Variants in TNRC6B observed in about 807,000 individuals in gnomAD.
TNRC6B encodes trinucleotide repeat-containing gene 6B protein.
Under a neutral mutation model 203.6 loss-of-function variants are expected in TNRC6B, and 52 were observed. That is an observed-to-expected ratio of 0.26 (90% CI 0.20 to 0.32). TNRC6B has a LOEUF of 0.32. Among genes scored for constraint, TNRC6B ranks in the 10% least tolerant of loss-of-function variants. TNRC6B has a pLI of 1.00. For synonymous variants in TNRC6B, 838 were observed against 845.7 expected, an observed-to-expected ratio of 0.99 and a Z score of 0.16; for missense variants, 1,923 against 2,286.2, an observed-to-expected ratio of 0.84 and a Z score of 3.24.
chr22:40,273,661 T>C lies in TNRC6B; in HGVS notation c.3141+61T>C. 2.7e-6 allele frequency: 4 copies of C among 1,460,518 alleles called. No homozygotes were observed. The South Asian group carries it at 5.6e-5, about 20-fold the overall frequency. The allele number at this position is 1,460,518 out of a possible 1,614,324, so 90.5% of individuals were successfully genotyped here. The stretch of plus-strand genomic sequence containing the variant: ...GCTCTGAGAAGGCAGAACTGAGGTT[T>C]TGTTTTGTTTGTTTTTGTTTTGAGA... On this transcript the variant is annotated intron_variant, in intron 7 of 22. Transcript: ENST00000454349.
At chr22:40,180,556 A>AGTT (rs1484307760) in intron 1 of TNRC6B, among the ~76,000 whole-genome samples, 4 of 152,222 alleles carry the variant, frequency 2.6e-5, no homozygotes, top group South Asian at 2.1e-4. Flanking sequence ...GGCTCTGGTG[A>AGTT]GTTGATAGCT....
At chr22:40,317,303 G>A (rs1226247475) in intron 21 of TNRC6B, among the ~76,000 whole-genome samples, 10 of 152,226 alleles carry the variant, frequency 6.6e-5, no homozygotes, top group Admixed American at 6.5e-4. Context: ...CATGGGGCCA[G>A]TCGCAGTGGC....
chr22:40,170,053 G>A (rs2068957207), intron 4 of TNRC6B, among the ~76,000 whole-genome samples: 1 of 151,454 alleles, frequency 6.6e-6, no homozygotes. Context: ...TCTGAGGCAG[G>A]AAGATTGCTT....
intron 1 of TNRC6B, among the ~76,000 whole-genome samples, chr22:40,063,599 G>A (rs562872896): frequency 1.3e-5 from 2 of 152,216 alleles, no homozygotes; most frequent in South Asian, 2.1e-4. Flanking sequence ...ACGTTTTATG[G>A]TTTTCAGCGT....
intron 16 of TNRC6B, among the ~76,000 whole-genome samples, chr22:40,310,400 CA>C (rs1345049922): frequency 6.6e-6 from 1 of 152,190 alleles, no homozygotes; most frequent in African/African-American, 2.4e-5. Context: ...TGGATAGCAT[CA>C]GTAGAAATTT....
At chr22:40,259,701 G>C (rs1028036348) in intron 3 of TNRC6B, among the ~76,000 whole-genome samples, 5 of 152,166 alleles carry the variant, frequency 3.3e-5, no homozygotes, top group African/African-American at 1.2e-4. Context: ...GTCACCCACA[G>C]TATGTTAATG....
At chr22:40,152,487 C>T (rs1418809742) in intron 3 of TNRC6B, among the ~76,000 whole-genome samples, 1 of 152,090 alleles carries the variant, frequency 6.6e-6, no homozygotes, top group Non-Finnish European at 1.5e-5. Flanking sequence ...CCACCACGCC[C>T]GGCTAATTTT....
chr22:40,098,834 C>T (rs992302167), intron 1 of TNRC6B, among the ~76,000 whole-genome samples: 2 of 152,048 alleles, frequency 1.3e-5, no homozygotes, highest in Non-Finnish European at 1.5e-5. Flanking sequence ...CTCAAGTGAT[C>T]CTCCTGCCTC....
intron 2 of TNRC6B, among the ~76,000 whole-genome samples, chr22:40,120,478 T>C (rs1051460317): frequency 6.6e-6 from 1 of 152,142 alleles, no homozygotes; most frequent in Non-Finnish European, 1.5e-5. Flanking sequence ...TGGAAAGATT[T>C]GCCTGCGTGA....
chr22:40,218,509 A>G (rs368716368), intron 1 of TNRC6B, among the ~76,000 whole-genome samples: 1 of 151,218 alleles, frequency 6.6e-6, no homozygotes. Context: ...GTATTTTTTT[A>G]TAGAGACATG....
intron 1 of TNRC6B, among the ~76,000 whole-genome samples, chr22:40,209,067 A>T (rs199755863): frequency 2.6e-4 from 39 of 152,098 alleles, no homozygotes; most frequent in African/African-American, 7.5e-4. Flanking sequence ...TATTATTATT[A>T]TTTTTTGGCA....
intron 1 of TNRC6B, among the ~76,000 whole-genome samples, chr22:40,079,469 T>A (rs928880721): frequency 6.6e-6 from 1 of 152,048 alleles, no homozygotes; most frequent in Non-Finnish European, 1.5e-5. Context: ...AAGTCTCCAG[T>A]TTTAACTGAG....
chr22:40,263,057 A>T (rs566142399), intron 4 of TNRC6B, among the ~76,000 whole-genome samples: 2 of 148,306 alleles, frequency 1.3e-5, no homozygotes, highest in South Asian at 2.1e-4. Context: ...AAAAAAAAAA[A>T]GTTGTGAGAG....
intron 2 of TNRC6B, among the ~76,000 whole-genome samples, chr22:40,248,743 A>G (rs544138914): frequency 6.6e-6 from 1 of 152,348 alleles, no homozygotes; most frequent in African/African-American, 2.4e-5. Context: ...TACCGTAAAT[A>G]AAATTTTTAA....
chr22:40,317,991 T>A (rs574764792), intron 21 of TNRC6B, among the ~76,000 whole-genome samples: 7 of 152,254 alleles, frequency 4.6e-5, no homozygotes, highest in Admixed American at 4.6e-4. Flanking sequence ...TGGCCTAATA[T>A]GTTTGACATG....
At chr22:40,079,644 G>A (rs891568736) in intron 1 of TNRC6B, among the ~76,000 whole-genome samples, 4 of 151,340 alleles carry the variant, frequency 2.6e-5, no homozygotes, top group Non-Finnish European at 5.9e-5. Context: ...TTTGAGACAG[G>A]GTCTTGCTCT....
chr22:40,293,946 GAA>G (rs1019461239), intron 12 of TNRC6B, among the ~76,000 whole-genome samples: 1 of 128,562 alleles, frequency 7.8e-6, no homozygotes, highest in Non-Finnish European at 1.7e-5. Context: ...GCTCTACCTA[GAA>G]AAAAAAAAAA....
At chr22:40,178,633 A>G (rs545961135) in intron 1 of TNRC6B, among the ~76,000 whole-genome samples, 7 of 152,286 alleles carry the variant, frequency 4.6e-5, no homozygotes, top group African/African-American at 1.7e-4. Context: ...TCCTTCCTAG[A>G]GAGATGTAAA....
chr22:40,117,061 G>A (rs2068393867), exon 2 of TNRC6B: 2 of 152,490 alleles, frequency 1.3e-5, no homozygotes, highest in Admixed American at 6.5e-5. Flanking sequence ...TCAGGGTTGT[G>A]GTTTTTTGCA....
Sources: allele counts gnomAD v4.1 joint callset (sites outside exome capture counted in the v4.1 genomes callset), GRCh38; gene constraint gnomAD v4.1.1; transcripts MANE v1.5; gene names NCBI Gene and HGNC (gene_info 2026-07-23, HGNC 2026-07-21).